Variants in LANCL2 observed in about 807,000 individuals in gnomAD.
LANCL2 encodes LanC like glutathione S-transferase 2.
In LANCL2, 33 loss-of-function variants were observed where a neutral mutation model predicts 56.9. That is an observed-to-expected ratio of 0.58 (90% confidence interval 0.44 to 0.78). The LOEUF (loss-of-function observed/expected upper bound fraction) is 0.78. Among genes scored for constraint, LANCL2 ranks in the 30% least tolerant of loss-of-function variants. The pLI is 0.00. For missense variants in LANCL2, 562 were observed against 580.2 expected (o/e 0.97, Z 0.32); for synonymous variants, 233 against 228.2 (o/e 1.02, Z -0.19).
chr7:55,394,278 A>T (rs1309458476), intron 2 of LANCL2, among the ~76,000 whole-genome samples: 8 of 152,178 alleles, frequency 5.3e-5, no homozygotes, highest in African/African-American at 1.7e-4. Flanking sequence ...TGTGTATACG[A>T]TATAGGAAGA....
intron 7 of LANCL2, 45 bp downstream of exon 7, chr7:55,425,475 T>G (rs1410231629): frequency 6.3e-7 from 1 of 1,574,834 alleles, no homozygotes; most frequent in South Asian, 1.1e-5. Context: ...ACCCCGAGTG[T>G]GCACAGAATC....
At chr7:55,395,392 T>C (rs763994404) in intron 2 of LANCL2, among the ~76,000 whole-genome samples, 11 of 151,978 alleles carry the variant, frequency 7.2e-5, no homozygotes, top group Non-Finnish European at 1.6e-4. Flanking sequence ...AGAGCAGAGA[T>C]GGCTAGACAG....
At chr7:55,389,671 G>A (rs1790163724) in intron 1 of LANCL2, among the ~76,000 whole-genome samples, 1 of 151,982 alleles carries the variant, frequency 6.6e-6, no homozygotes. Context: ...CCGGGTCCCA[G>A]TTCTTATCTG....
At chr7:55,409,342 G>T (rs1425513130) in intron 5 of LANCL2, among the ~76,000 whole-genome samples, 1 of 151,952 alleles carries the variant, frequency 6.6e-6, no homozygotes, top group Non-Finnish European at 1.5e-5. Context: ...ACCCGCCTCG[G>T]CCTCCCAAAG....
At chr7:55,405,556 T>C (rs1583757596) in intron 5 of LANCL2, among the ~76,000 whole-genome samples, 1 of 143,726 alleles carries the variant, frequency 7.0e-6, no homozygotes, top group East Asian at 2.2e-4. Flanking sequence ...AGTGACACAA[T>C]CTCTGCCTAC....
intron 5 of LANCL2, among the ~76,000 whole-genome samples, chr7:55,409,083 G>T (rs529433739): frequency 6.6e-6 from 1 of 151,544 alleles, no homozygotes; most frequent in East Asian, 1.9e-4. Flanking sequence ...AAATGGAAAT[G>T]ATTTCCAAGT....
chr7:55,415,430 C>A (rs974427781), intron 6 of LANCL2, among the ~76,000 whole-genome samples: 3 of 152,158 alleles, frequency 2.0e-5, no homozygotes, highest in Non-Finnish European at 4.4e-5. Context: ...TGCTTTCATA[C>A]AAATTCTGTT....
chr7:55,403,569 G>GTTTTTTTTTTTT (rs34481346), intron 5 of LANCL2, among the ~76,000 whole-genome samples: 3 of 99,484 alleles, frequency 3.0e-5, no homozygotes, highest in African/African-American at 7.8e-5. Flanking sequence ...TTTGTTTGTT[G>GTTTTTTTTTTTT]TTTTTTTTTT....
At chr7:55,399,899 T>C in intron 3 of LANCL2, 58 bp from the exon 4 acceptor site, 1 of 1,433,486 alleles carries the variant, frequency 7.0e-7, no homozygotes, top group Non-Finnish European at 9.6e-7. Flanking sequence ...GGTTAGTGTT[T>C]CAGGAAGAAG....
At chr7:55,402,637 G>C (rs1319158468) in intron 5 of LANCL2, among the ~76,000 whole-genome samples, 1 of 107,316 alleles carries the variant, frequency 9.3e-6, no homozygotes, top group African/African-American at 4.3e-5. Context: ...GGGGCGGCTG[G>C]CTGGGCGGGG....
At chr7:55,392,751 A>T (rs1300078415) in intron 2 of LANCL2, among the ~76,000 whole-genome samples, 2 of 152,174 alleles carry the variant, frequency 1.3e-5, no homozygotes, top group Non-Finnish European at 2.9e-5. Flanking sequence ...TTTAAACTTT[A>T]ATATCTAGTG....
At chr7:55,424,192 A>C (rs935581639) in intron 6 of LANCL2, among the ~76,000 whole-genome samples, 1 of 152,246 alleles carries the variant, frequency 6.6e-6, no homozygotes, top group African/African-American at 2.4e-5. Flanking sequence ...GAAAAGGATC[A>C]GGAAAACAGT....
intron 6 of LANCL2, among the ~76,000 whole-genome samples, chr7:55,417,830 C>G (rs888852389): frequency 3.3e-5 from 5 of 152,098 alleles, no homozygotes; most frequent in Admixed American, 2.6e-4. Flanking sequence ...AGGTGCCCAC[C>G]ACCATACCCG....
chr7:55,429,812 G>A (rs1218659952), intron 8 of LANCL2, among the ~76,000 whole-genome samples: 1 of 152,256 alleles, frequency 6.6e-6, no homozygotes, highest in Non-Finnish European at 1.5e-5. Context: ...CCCTAAAGGC[G>A]GGAAGTTAAT....
chr7:55,394,021 A>G (rs1225066185), intron 2 of LANCL2: 1 of 152,168 alleles, frequency 6.6e-6, no homozygotes, highest in Admixed American at 6.5e-5. Context: ...TAGGTTCCAA[A>G]CTGGCTATGC....
In LANCL2 at chr7:55,365,906, C is replaced by T. The variant is rs924980776; in HGVS notation, c.-120C>T. 2.5e-5 allele frequency: 18 copies of T among 716,870 alleles called. No individual in the cohort carries two copies. In the African/African-American group the frequency reaches 2.6e-4, roughly 11 times the overall value. 44.4% of individuals were successfully genotyped at this position (716,870 alleles called of 1,614,324 possible). On this transcript the variant is annotated 5_prime_UTR_variant, in exon 1 of 9. Coordinates refer to ENST00000254770, the MANE Select transcript of LANCL2 (RefSeq NM_018697.4). Reference sequence around the variant, plus strand: ...ACGCCCCGCTCCTCCCGCCAGCGCGCGGCCTCGCTCCTCCTAGAGGACGCT... The same window carrying T: ...ACGCCCCGCTCCTCCCGCCAGCGCGTGGCCTCGCTCCTCCTAGAGGACGCT...
rs377511308 is a variant in LANCL2, at chr7:55,365,360, G to A, written c.-666G>A. The A allele has an allele frequency of 7.9e-5, 12 of 152,112 alleles. No individual in the cohort carries two copies. Among genetic ancestry groups the A allele is most frequent in the Non-Finnish European group, 1.5e-4 (10 of 68,010 alleles). The allele number at this position is 152,112 out of a possible 1,614,324, so 9.4% of individuals were successfully genotyped here. ...CCATCCCTCGGAGACTAGCCTTGCA[G>A]TGTTTTAGACTGTTTTGAAATTCTG... is the stretch of plus-strand genomic sequence containing the variant. On this transcript the variant is annotated 5_prime_UTR_variant, in exon 1 of 9. In the 5' UTR this introduces an upstream ATG that the reference lacks. Coordinates refer to ENST00000254770, the MANE Select transcript of LANCL2 (RefSeq NM_018697.4).
At chr7:55,422,189 G>A (rs1790616097) in intron 6 of LANCL2, among the ~76,000 whole-genome samples, 1 of 152,122 alleles carries the variant, frequency 6.6e-6, no homozygotes, top group Non-Finnish European at 1.5e-5. Flanking sequence ...CTTTCATCCT[G>A]TAGAATTTTA....
At position 55,414,251 on chromosome 7, in the gene LANCL2, G is replaced by A. The variant is rs558242576; in HGVS notation, c.1008+2162G>A. On this transcript the variant is annotated intron_variant, in intron 6 of 8. Coordinates refer to ENST00000254770, the MANE Select transcript of LANCL2 (RefSeq NM_018697.4). ...CTGTTTGCGTCTCTGAGCAGAGGGC[G>A]AGGTTTGTGTTTGACCAAGGCAGGG... 1.3e-4 allele frequency among the ~76,000 whole-genome samples: 20 copies of A among 152,262 alleles called. 1 individual carries two copies. The highest frequency in any genetic ancestry group is 3.9e-4 in the African/African-American group (16 of 41,546).
Sources: allele counts gnomAD v4.1 joint callset (sites outside exome capture counted in the v4.1 genomes callset), GRCh38; gene constraint gnomAD v4.1.1; transcripts MANE v1.5; gene names NCBI Gene and HGNC (gene_info 2026-07-23, HGNC 2026-07-21).